Variants in SUPT7L observed in about 807,000 individuals in gnomAD.
SUPT7L encodes the protein SPT7 like, STAGA complex subunit gamma, also known as STAGA complex 65 subunit gamma.
A neutral mutation model predicts 35.7 loss-of-function variants in SUPT7L; 15 were observed. The ratio of observed to expected loss-of-function variants is 0.42; its 90% CI spans 0.28 to 0.65. The LOEUF (loss-of-function observed/expected upper bound fraction) is 0.65. Ranked by LOEUF, SUPT7L falls within the 30% of genes least tolerant of loss-of-function variation. The pLI, the probability that SUPT7L is intolerant of heterozygous loss-of-function variation, is 0.23. For synonymous variants in SUPT7L, 168 were observed against 186.2 expected (o/e 0.90, Z 0.79); for missense variants, 434 against 522.2 (o/e 0.83, Z 1.65).
intron 3 of SUPT7L, among the ~76,000 whole-genome samples, chr2:27,659,357 A>T (rs1177750514): frequency 6.6e-6 from 1 of 152,226 alleles, no homozygotes; most frequent in Admixed American, 6.5e-5. Flanking sequence ...AGGTAGATGT[A>T]ATAAATAACA....
intron 4 of SUPT7L, 44 bp from the exon 5 acceptor site, chr2:27,655,646 C>G: frequency 6.6e-7 from 1 of 1,508,396 alleles, no homozygotes; most frequent in Non-Finnish European, 8.9e-7. Flanking sequence ...ATGTTAAAAG[C>G]AAGTTGGATA....
chr2:27,662,262 G>T lies in SUPT7L; in HGVS notation c.-70C>A. On this transcript the variant is annotated 5_prime_UTR_variant, in exon 2 of 6. Coordinates refer to ENST00000337768, the MANE Select transcript of SUPT7L (RefSeq NM_014860.3). ...AGGCATTCTGTGTCGGTCAAAGACT[G>T]ATAATGTGAGATCCTTGCCCTGAAG... 2.0e-6 allele frequency: 3 copies of T among 1,498,374 alleles called. No homozygotes were observed. The highest frequency in any genetic ancestry group is 1.1e-5 in the South Asian group (1 of 88,512). 92.8% of individuals were successfully genotyped at this position (1,498,374 alleles called of 1,614,324 possible). A position where few individuals can be genotyped will look rare whatever the true frequency, so the allele number is the denominator to read the frequency against.
At chr2:27,643,545 G>T in the SUPT7L span, among the ~76,000 whole-genome samples, 46 of 152,230 alleles carry the variant, frequency 3.0e-4, no homozygotes, top group Non-Finnish European at 5.3e-4. The surrounding 1 kb of genome is among the most constrained non-coding windows in gnomAD (Gnocchi z 4.0). Flanking sequence ...TTATTCAGAT[G>T]TAGCCATTTC....
the SUPT7L span, among the ~76,000 whole-genome samples, chr2:27,642,675 T>C: frequency 6.6e-6 from 1 of 152,168 alleles, no homozygotes; most frequent in Non-Finnish European, 1.5e-5. Flanking sequence ...GCAGTTCTCC[T>C]GCCTCAGCCT....
intron 5 of SUPT7L, 46 bp downstream of exon 5, chr2:27,655,319 T>C (rs567732994): frequency 6.1e-5 from 91 of 1,486,316 alleles, no homozygotes; most frequent in Non-Finnish European, 8.1e-5. Flanking sequence ...AGTACTGAAA[T>C]TGGCAGATCT....
chr2:27,646,221 T>C (rs950143761), downstream of SUPT7L, among the ~76,000 whole-genome samples: 6 of 152,056 alleles, frequency 3.9e-5, no homozygotes, highest in Non-Finnish European at 8.8e-5. Flanking sequence ...TTTGCATTTT[T>C]AGTAGAGACA....
chr2:27,659,545 G>A (rs934733118), intron 3 of SUPT7L, among the ~76,000 whole-genome samples: 2 of 152,120 alleles, frequency 1.3e-5, no homozygotes, highest in African/African-American at 4.8e-5. Context: ...TCCTGGATTC[G>A]AGGGAAAAGA....
downstream of SUPT7L, chr2:27,650,448 G>T: frequency 3.7e-6 from 1 of 268,324 alleles, no homozygotes; most frequent in Non-Finnish European, 7.2e-6. Flanking sequence ...AGGATATACT[G>T]AGCTGATACT....
At chr2:27,661,832 A>G (rs113899787) in intron 2 of SUPT7L, 2 of 396,546 alleles carry the variant, frequency 5.0e-6, no homozygotes, top group African/African-American at 2.0e-5. Context: ...GTATCTTGAT[A>G]CATCTGTGCT....
downstream of SUPT7L, chr2:27,650,459 C>G (rs8731): frequency 0.24 from 53,442 of 221,554 alleles, 7,788 homozygotes; most frequent in East Asian, 0.55. Context: ...AGCTGATACT[C>G]TTCCAAGCCT....
chr2:27,650,004 G>A (rs1674447810), downstream of SUPT7L: 1 of 655,600 alleles, frequency 1.5e-6, no homozygotes. Flanking sequence ...AGGGAAGTGA[G>A]TACTTAAGTT....
intron 4 of SUPT7L, 135 bp from the exon 5 acceptor site, chr2:27,655,737 T>C: frequency 1.3e-6 from 1 of 799,744 alleles, no homozygotes; most frequent in Non-Finnish European, 2.0e-6. Context: ...ATGGGAGGGA[T>C]TTGTTTAAGG....
chr2:27,659,807 A>G (rs1674965778), intron 3 of SUPT7L, among the ~76,000 whole-genome samples: 1 of 152,210 alleles, frequency 6.6e-6, no homozygotes, highest in Non-Finnish European at 1.5e-5. Flanking sequence ...ATGTTTGTAT[A>G]TGTGTGTATA....
the SUPT7L span, among the ~76,000 whole-genome samples, chr2:27,642,943 T>TTATA: frequency 0.012 from 1,602 of 128,530 alleles, 17 homozygotes; most frequent in East Asian, 0.014. Context: ...AAATGTGGTT[T>TTATA]TATATATATA....
At position 27,663,462 on chromosome 2, in the gene SUPT7L, A is replaced by C; in HGVS notation, c.-223T>G. ...GTCGCCTGACGTTCAGGGCAGCCGG[A>C]AGACGGGGAGGTCTGGACCTGAACC... On this transcript the variant is annotated 5_prime_UTR_variant, in exon 1 of 6. Transcript: ENST00000337768. The C allele has an allele frequency of 2.8e-6, 1 of 356,972 alleles. No individual in the cohort carries two copies. Among genetic ancestry groups the C allele is most frequent in the Non-Finnish European group, 5.3e-6 (1 of 189,062 alleles). 22.1% of individuals were successfully genotyped at this position (356,972 alleles called of 1,614,324 possible).
rs1674495840 is a variant in SUPT7L, at chr2:27,650,821, C to T, written c.*2664G>A. The T allele has an allele frequency of 6.5e-6, 1 of 152,766 alleles. No individual in the cohort carries two copies. The highest frequency in any genetic ancestry group is 2.1e-4 in the South Asian group (1 of 4,832). 9.5% of individuals were successfully genotyped at this position (152,766 alleles called of 1,614,324 possible). On this transcript the variant is annotated 3_prime_UTR_variant, in exon 6 of 6. Transcript: ENST00000337768. ...AATCAGAATCCTGTTTCATTGGTGA[C>T]TTGGATAAAGACTTTTTAATTTTAA...
intron 1 of SUPT7L, among the ~76,000 whole-genome samples, chr2:27,662,585 C>T (rs929397951): frequency 3.9e-5 from 6 of 152,180 alleles, no homozygotes; most frequent in African/African-American, 1.4e-4. Flanking sequence ...TTCACCAGTG[C>T]ATCTCCCTTT....
chr2:27,654,456 G>C (rs1266955673), intron 5 of SUPT7L, among the ~76,000 whole-genome samples: 1 of 152,168 alleles, frequency 6.6e-6, no homozygotes, highest in African/African-American at 2.4e-5. Flanking sequence ...GTAAACAACT[G>C]AGTGTCCAGA....
intron 5 of SUPT7L, among the ~76,000 whole-genome samples, chr2:27,654,214 G>A (rs1674689580): frequency 6.6e-6 from 1 of 152,158 alleles, no homozygotes; most frequent in Non-Finnish European, 1.5e-5. Context: ...AATGCTAACA[G>A]CAGTTCTCTA....
Sources: gnomAD v4.1 joint callset for allele counts (sites outside exome capture counted in the v4.1 genomes callset) on GRCh38, gnomAD v4.1.1 for gene constraint, Gnocchi (gnomAD v3.1) non-coding constraint, MANE v1.5 for transcripts, NCBI Gene and HGNC (gene_info 2026-07-23, HGNC 2026-07-21) for gene names.